DNM3: variants seen among roughly 807,000 people sequenced by gnomAD.
DNM3 encodes the protein dynamin-3.
DNM3 carries 47 observed loss-of-function variants against 101.6 expected under a neutral mutation model. The ratio of observed to expected loss-of-function variants is 0.46; its 90% CI spans 0.37 to 0.59. The LOEUF is 0.59. Among genes scored for constraint, DNM3 ranks in the 20% least tolerant of loss-of-function variants. The pLI is 0.00. For synonymous variants in DNM3, 385 were observed against 387.9 expected (o/e 0.99, Z 0.09); for missense variants, 849 against 1,085.7 (o/e 0.78, Z 3.06).
chr1:172,308,048 G>A (rs2064918258), intron 15 of DNM3, among the ~76,000 whole-genome samples: 1 of 151,926 alleles, frequency 6.6e-6, no homozygotes, highest in African/African-American at 2.4e-5. Context: ...ATAAAAAAAA[G>A]AAAAGAAGGT....
intron 16 of DNM3, among the ~76,000 whole-genome samples, chr1:172,313,274 ACAAT>A (rs1324974680): frequency 2.6e-5 from 4 of 152,362 alleles, no homozygotes; most frequent in Non-Finnish European, 5.9e-5. Context: ...AGACTGAAAT[ACAAT>A]CAGTCTGTAT....
intron 2 of DNM3, among the ~76,000 whole-genome samples, chr1:171,957,183 TTTTCTTTC>T (rs771144559): frequency 1.3e-5 from 2 of 151,266 alleles, no homozygotes; most frequent in African/African-American, 4.8e-5. Context: ...CGTGTTTTTC[TTTTCTTTC>T]TTTCTTTCTT....
chr1:172,221,127 T>C (rs2060892231), intron 14 of DNM3, among the ~76,000 whole-genome samples: 1 of 152,240 alleles, frequency 6.6e-6, no homozygotes, highest in South Asian at 2.1e-4. Context: ...TCAGACGCAG[T>C]ATTCAAAGAA....
At chr1:172,349,992 T>C (rs1470633802) in intron 17 of DNM3, among the ~76,000 whole-genome samples, 2 of 152,154 alleles carry the variant, frequency 1.3e-5, no homozygotes, top group Non-Finnish European at 2.9e-5. Context: ...AGAAGAAATA[T>C]ACCAAAGTGG....
intron 17 of DNM3, among the ~76,000 whole-genome samples, chr1:172,369,874 G>T (rs2068231664): frequency 6.6e-6 from 1 of 151,860 alleles, no homozygotes; most frequent in South Asian, 2.1e-4. Flanking sequence ...TGAGATCCAG[G>T]TGTTGTCAGG....
At chr1:171,852,517 T>G (rs111251159) in intron 1 of DNM3, among the ~76,000 whole-genome samples, 2,610 of 152,316 alleles carry the variant, frequency 0.017, 79 homozygotes, top group African/African-American at 0.058. Context: ...AGGATTGCTA[T>G]GCACTGCACT....
intron 1 of DNM3, among the ~76,000 whole-genome samples, chr1:171,893,101 A>C (rs1440612425): frequency 6.6e-6 from 1 of 152,198 alleles, no homozygotes; most frequent in East Asian, 1.9e-4. Flanking sequence ...TACTTAGGTC[A>C]ACTACCCTCT....
At chr1:172,294,733 C>T (rs1013563771) in intron 15 of DNM3, among the ~76,000 whole-genome samples, 3 of 151,782 alleles carry the variant, frequency 2.0e-5, no homozygotes, top group Admixed American at 1.3e-4. Flanking sequence ...GACAATCTGG[C>T]GAAACCCCAT....
chr1:171,912,275 G>A (rs527457669), intron 1 of DNM3, among the ~76,000 whole-genome samples: 1 of 152,218 alleles, frequency 6.6e-6, no homozygotes, highest in East Asian at 1.9e-4. Context: ...AAGCGCAGGT[G>A]TATGTAGAGC....
intron 16 of DNM3, among the ~76,000 whole-genome samples, chr1:172,320,834 T>C (rs1301970555): frequency 6.6e-6 from 1 of 152,184 alleles, no homozygotes; most frequent in South Asian, 2.1e-4. Context: ...TGCTCTCAGA[T>C]GCGCGCCTAC....
chr1:172,135,809 A>G (rs895900075), intron 14 of DNM3, among the ~76,000 whole-genome samples: 6 of 152,080 alleles, frequency 3.9e-5, no homozygotes, highest in African/African-American at 1.2e-4. Flanking sequence ...GAATTTTAGG[A>G]GAATGGGAGA....
At chr1:171,874,943 A>G (rs2035623936) in intron 1 of DNM3, among the ~76,000 whole-genome samples, 1 of 151,930 alleles carries the variant, frequency 6.6e-6, no homozygotes, top group Admixed American at 6.6e-5. Context: ...TTCCTGTGTT[A>G]ATTCACTTAG....
chr1:172,274,623 G>C (rs2063208869), intron 15 of DNM3, among the ~76,000 whole-genome samples: 1 of 151,600 alleles, frequency 6.6e-6, no homozygotes, highest in Non-Finnish European at 1.5e-5. Flanking sequence ...GTATGCCAAG[G>C]GTTATTTGCT....
At chr1:172,383,542 G>A (rs566729797) in intron 18 of DNM3, among the ~76,000 whole-genome samples, 9 of 152,074 alleles carry the variant, frequency 5.9e-5, no homozygotes, top group South Asian at 2.1e-4. Context: ...ACCGTGTTCC[G>A]TACTGTGACC....
chr1:172,161,986 T>TA (rs2058562386), intron 14 of DNM3, among the ~76,000 whole-genome samples: 1 of 152,114 alleles, frequency 6.6e-6, no homozygotes, highest in African/African-American at 2.4e-5. Flanking sequence ...TGTGATTCTC[T>TA]AAGGCAATAT....
At chr1:172,221,689 G>A (rs1043627446) in intron 14 of DNM3, among the ~76,000 whole-genome samples, 10 of 152,024 alleles carry the variant, frequency 6.6e-5, no homozygotes, top group African/African-American at 1.9e-4. Context: ...TGGTCATCTC[G>A]TGAGGACTTC....
intron 20 of DNM3, among the ~76,000 whole-genome samples, chr1:172,389,429 A>G (rs1333393258): frequency 1.3e-5 from 2 of 151,610 alleles, no homozygotes; most frequent in East Asian, 3.8e-4. Flanking sequence ...CGTGTTGACA[A>G]TTATAAGTGG....
intron 17 of DNM3, among the ~76,000 whole-genome samples, chr1:172,356,202 A>G (rs1174585136): frequency 1.3e-5 from 2 of 152,162 alleles, no homozygotes. Context: ...TACTTTAGGA[A>G]GAAGGAAAAT....
chr1:171,926,121 A>G (rs532969465), intron 2 of DNM3, among the ~76,000 whole-genome samples: 4 of 152,202 alleles, frequency 2.6e-5, no homozygotes, highest in African/African-American at 9.6e-5. Flanking sequence ...ATAGTTTAGT[A>G]TAGAGTAGTT....
Sources: gnomAD v4.1 joint callset for allele counts (sites outside exome capture counted in the v4.1 genomes callset) on GRCh38, gnomAD v4.1.1 for gene constraint, MANE v1.5 for transcripts, NCBI Gene and HGNC (gene_info 2026-07-23, HGNC 2026-07-21) for gene names.